Variants in KIAA1217 observed in about 807,000 individuals in gnomAD.
KIAA1217 encodes the protein sickle tail protein homolog.
In KIAA1217, 88 loss-of-function variants were observed where a neutral mutation model predicts 163.9. The observed-to-expected ratio is 0.54, with a 90% CI of 0.45 to 0.64. The LOEUF (loss-of-function observed/expected upper bound fraction) is 0.64. KIAA1217 is among the 30% of genes least tolerant of loss of function. The probability of loss-of-function intolerance (pLI) is 0.00; values close to 1 mark genes in which losing one functional copy is unlikely to be tolerated. For missense variants in KIAA1217, 2,372 were observed against 2,475.0 expected, an observed-to-expected ratio of 0.96 and a Z score of 0.88; for synonymous variants, 903 against 923.1, an observed-to-expected ratio of 0.98 and a Z score of 0.39.
chr10:24,351,542 G>A (rs2048462685), intron 2 of KIAA1217, among the ~76,000 whole-genome samples: 1 of 152,180 alleles, frequency 6.6e-6, no homozygotes, highest in East Asian at 1.9e-4. Context: ...AAGGAGAGCT[G>A]GAGAGCCAGG....
chr10:24,097,842 T>C (rs949808711), intron 2 of KIAA1217, among the ~76,000 whole-genome samples: 1 of 152,152 alleles, frequency 6.6e-6, no homozygotes, highest in Admixed American at 6.5e-5. Context: ...GTGGTCTCCT[T>C]TTCTTCAGGC....
chr10:23,889,206 T>C (rs916810110), intron 1 of KIAA1217, among the ~76,000 whole-genome samples: 25 of 151,934 alleles, frequency 1.6e-4, no homozygotes, highest in African/African-American at 6.0e-4. Flanking sequence ...TCATAGCGTG[T>C]ATAACTTTAC....
intron 1 of KIAA1217, among the ~76,000 whole-genome samples, chr10:23,817,940 A>C (rs1315075713): frequency 2.1e-5 from 3 of 139,950 alleles, no homozygotes; most frequent in Non-Finnish European, 4.6e-5. Flanking sequence ...AAATTAAAAA[A>C]TTATAGCTTG....
chr10:24,068,141 C>A (rs553784743), intron 2 of KIAA1217, among the ~76,000 whole-genome samples: 1 of 152,280 alleles, frequency 6.6e-6, no homozygotes, highest in Admixed American at 6.5e-5. Context: ...GTGCACTGCA[C>A]CCACTGTCCT....
At chr10:24,058,253 A>G (rs79117605) in intron 2 of KIAA1217, among the ~76,000 whole-genome samples, 2,375 of 152,216 alleles carry the variant, frequency 0.016, 80 homozygotes, top group African/African-American at 0.055. Context: ...ATTTGTCTAT[A>G]TGTCTGTCTT....
At chr10:24,254,671 C>G (rs1018698348) in intron 2 of KIAA1217, among the ~76,000 whole-genome samples, 1 of 152,162 alleles carries the variant, frequency 6.6e-6, no homozygotes, top group Non-Finnish European at 1.5e-5. Context: ...AACAATTTGA[C>G]CAAACACTGG....
intron 1 of KIAA1217, among the ~76,000 whole-genome samples, chr10:23,918,425 A>G (rs540067233): frequency 1.3e-4 from 20 of 152,292 alleles, no homozygotes; most frequent in African/African-American, 4.6e-4. Context: ...AGAATGAAGC[A>G]TAACTGATGC....
At chr10:23,990,843 G>A (rs1289081574) in intron 1 of KIAA1217, among the ~76,000 whole-genome samples, 2 of 152,120 alleles carry the variant, frequency 1.3e-5, no homozygotes, top group Non-Finnish European at 2.9e-5. Flanking sequence ...CAGAGAGGGA[G>A]GAAAGGGCTA....
rs574193479 is a variant in KIAA1217 at position 24,433,084 on chromosome 10, G to T, written c.643G>T (p.Val215Leu). 2 of 1,614,092 alleles carry T rather than the reference G, an allele frequency of 1.2e-6. No homozygotes were observed. Among genetic ancestry groups the T allele is most frequent in the East Asian group, 4.5e-5 (2 of 44,872 alleles). Residue 215 changes from valine to leucine, a missense_variant, in exon 4 of 21, where the codon GTA becomes TTA. Transcript: ENST00000376454. Reference sequence around the variant, plus strand: ...TGCAGACACAATCCGTGCTCTCTTCGTAAGTGCCTTTCCACAGCAGCTCAC... The same window carrying T: ...TGCAGACACAATCCGTGCTCTCTTCTTAAGTGCCTTTCCACAGCAGCTCAC... Reference protein sequence around the residue: ...TSADTIRALFVSAFPQQLTMK... With the variant: ...TSADTIRALFLSAFPQQLTMK...
intron 1 of KIAA1217, among the ~76,000 whole-genome samples, chr10:23,908,566 G>A (rs1425321203): frequency 1.3e-5 from 2 of 151,984 alleles, no homozygotes; most frequent in Non-Finnish European, 2.9e-5. Flanking sequence ...TTGAGTCATG[G>A]CTTCTTTTCT....
intron 2 of KIAA1217, among the ~76,000 whole-genome samples, chr10:24,188,640 G>C (rs1031172348): frequency 6.6e-6 from 1 of 152,146 alleles, no homozygotes; most frequent in Admixed American, 6.5e-5. Context: ...CTCTTCTGTA[G>C]GGAAAGAAAG....
At chr10:23,750,258 A>G (rs1320921561) in intron 1 of KIAA1217, among the ~76,000 whole-genome samples, 2 of 152,162 alleles carry the variant, frequency 1.3e-5, no homozygotes, top group Non-Finnish European at 2.9e-5. Context: ...CATTGCCCTT[A>G]ATAAAAGTCT....
chr10:24,385,507 A>G (rs776333305), intron 3 of KIAA1217, among the ~76,000 whole-genome samples: 1 of 152,194 alleles, frequency 6.6e-6, no homozygotes, highest in Admixed American at 6.5e-5. Flanking sequence ...AGACAGAGCC[A>G]AGTGACAGCA....
chr10:24,434,655 A>G (rs2059883645), intron 4 of KIAA1217, among the ~76,000 whole-genome samples: 1 of 152,174 alleles, frequency 6.6e-6, no homozygotes, highest in African/African-American at 2.4e-5. Flanking sequence ...CTTTATTGTC[A>G]TTTTGGTGTC....
rs771237492 is a variant in KIAA1217, at chr10:24,527,967, A to G, written c.2930A>G (p.Gln977Arg). 6 of 1,613,966 alleles carry G rather than the reference A, an allele frequency of 3.7e-6. No individual in the cohort carries two copies. In the Admixed American group the frequency reaches 5.0e-5, roughly 13 times the overall value. The change falls in exon 14 of 21, where the codon CAA becomes CGA. Residue 977 changes from glutamine (Q) to arginine (R), a missense_variant. By Grantham distance (43) the Gln-to-Arg change is conservative. This residue lies in a region of KIAA1217 where 1,431 missense variants were observed against 1,470.3 expected (regional missense o/e 0.97). Transcript: ENST00000376454. ...GAAAAGAAATGGGAGGAAAAAAGGC[A>G]AAATCTGGATCACTATAATGGGAAA... is the stretch of plus-strand genomic sequence containing the variant. ...KAEKKWEEKR[Q>R]NLDHYNGKEF...
At chr10:23,958,507 A>G (rs1391588339) in intron 1 of KIAA1217, among the ~76,000 whole-genome samples, 1 of 152,232 alleles carries the variant, frequency 6.6e-6, no homozygotes, top group Non-Finnish European at 1.5e-5. Flanking sequence ...GCAAGGAACA[A>G]TTTAAGAGAC....
rs148151728 is a variant in KIAA1217, at chr10:24,131,426, C to T, written c.-170-88200C>T. On this transcript the variant is annotated intron_variant, in intron 2 of 18. Coordinates refer to the KIAA1217 transcript ENST00000376462. ...CAGAATGAACACAATATGGAGAAAA[C>T]ATTTTCACAAAAATAGTGATTCCAA... Among the ~76,000 whole-genome samples the T allele has an allele frequency of 3.0e-3, 463 of 152,198 alleles. 1 individual carries two copies. Among genetic ancestry groups the T allele is most frequent in the Middle Eastern group, 0.01 (3 of 294 alleles).
intron 1 of KIAA1217, among the ~76,000 whole-genome samples, chr10:23,978,139 G>A (rs564965162): frequency 3.3e-5 from 5 of 152,280 alleles, no homozygotes; most frequent in South Asian, 2.1e-4. Flanking sequence ...AAATGGCAAT[G>A]ATCCTCATCA....
intron 2 of KIAA1217, among the ~76,000 whole-genome samples, chr10:24,085,970 C>T (rs1207078701): frequency 2.2e-5 from 3 of 136,064 alleles, no homozygotes; most frequent in Non-Finnish European, 4.5e-5. Context: ...GAGACCCTGT[C>T]TCAAAAAAAA....
Sources: gnomAD v4.1 joint callset for allele counts (sites outside exome capture counted in the v4.1 genomes callset) on GRCh38, gnomAD v4.1.1 for gene constraint, gnomAD v4.1.1 regional missense constraint, MANE v1.5 for transcripts, NCBI Gene and HGNC (gene_info 2026-07-23, HGNC 2026-07-21) for gene names.